Variants in NUP133 observed in about 807,000 individuals in gnomAD.
NUP133 encodes nuclear pore complex protein Nup133.
A neutral mutation model predicts 146.2 loss-of-function variants in NUP133; 66 were observed. That is an observed-to-expected ratio of 0.45 (90% confidence interval 0.37 to 0.55). NUP133 has a LOEUF of 0.55. Among genes scored for constraint, NUP133 ranks in the 20% least tolerant of loss-of-function variants. The pLI is 0.00. For synonymous variants in NUP133, 521 were observed against 498.8 expected (o/e 1.04, Z -0.59); for missense variants, 1,277 against 1,374.8 (o/e 0.93, Z 1.12).
At chr1:229,475,764 T>A in intron 13 of NUP133, 32 bp from the exon 14 acceptor site, 1 of 1,523,012 alleles carries the variant, frequency 6.6e-7, no homozygotes, top group Non-Finnish European at 9.1e-7. Context: ...ACTTAGAACA[T>A]AGTGGTTTTA....
chr1:229,489,646 G>A (rs1349463039), intron 9 of NUP133, among the ~76,000 whole-genome samples: 23 of 152,238 alleles, frequency 1.5e-4, no homozygotes, highest in Admixed American at 1.5e-3. Flanking sequence ...CAAGCTGGGG[G>A]AATCACTTGA....
At position 229,464,705 on chromosome 1, in the gene NUP133, CCA is replaced by C; in HGVS notation, c.2468_2469del (p.Val823GlyfsTer2). 1 of 1,614,186 alleles carries C rather than the reference CCA, an allele frequency of 6.2e-7. No individual in the cohort carries two copies. On this transcript the variant is annotated frameshift_variant, in exon 18 of 26. Coordinates refer to ENST00000261396, the MANE Select transcript of NUP133 (RefSeq NM_018230.3). LOFTEE classifies it high-confidence loss of function. ...TATCTTTCCCGATTACTGGATTTAT[CCA>C]CAGACTTAAGCTGAGAAACATAACC... Reference protein sequence around the residue: ...LDGYVSQLKSVDKSSNRERYD... With the variant: ...LDGYVSQLKSXDKSSNRERYD...
chr1:229,470,718 C>G lies in NUP133; in HGVS notation c.1938G>C (p.Lys646Asn). ...TRLLLCEHAE[K>N]LSAAIVLKNH... ...TCTTGAGAACAATGGCGGCTGACAG[C>G]TTTTCGGCATGCTCACAGAGCAACA... Residue 646 changes from lysine to asparagine, a missense_variant, in exon 15 of 26, where the codon AAG (lysine) becomes AAC (asparagine). Lys to Asn is a moderately conservative substitution (Grantham distance 94, BLOSUM62 0). Around this residue, in one of 3 missense-constraint regions of NUP133, gnomAD observed 952 missense variants for 1,047.0 expected, o/e 0.91. Coordinates refer to ENST00000261396, the MANE Select transcript of NUP133 (RefSeq NM_018230.3). 1 of 1,614,190 alleles carries G rather than the reference C, an allele frequency of 6.2e-7. No homozygotes were observed. The highest frequency in any genetic ancestry group is 8.5e-7 in the Non-Finnish European group (1 of 1,180,042).
intron 8 of NUP133, among the ~76,000 whole-genome samples, chr1:229,493,871 A>C (rs1331573911): frequency 1.3e-5 from 2 of 152,232 alleles, no homozygotes; most frequent in African/African-American, 4.8e-5. Flanking sequence ...GGTGGCTGAC[A>C]CCTGCAATCC....
At chr1:229,476,265 A>T (rs997041385) in intron 13 of NUP133, among the ~76,000 whole-genome samples, 1 of 152,244 alleles carries the variant, frequency 6.6e-6, no homozygotes, top group Non-Finnish European at 1.5e-5. Context: ...AATGCAAAAT[A>T]CGTTTTTAGT....
At chr1:229,465,291 C>G (rs1660787212) in intron 17 of NUP133, 129 bp downstream of exon 17, 7 of 703,008 alleles carry the variant, frequency 1.0e-5, no homozygotes, top group Non-Finnish European at 1.7e-5. Flanking sequence ...TTGACAAGAG[C>G]TGCTCATTTT....
intron 13 of NUP133, among the ~76,000 whole-genome samples, chr1:229,476,329 AAGG>A (rs1253201122): frequency 6.6e-6 from 1 of 152,206 alleles, no homozygotes; most frequent in Non-Finnish European, 1.5e-5. Flanking sequence ...CAGTCAAAGA[AAGG>A]AGATGAGCTC....
At chr1:229,501,039 A>C (rs1002631666) in intron 3 of NUP133, among the ~76,000 whole-genome samples, 176 bp from the exon 4 acceptor site, 4 of 152,222 alleles carry the variant, frequency 2.6e-5, no homozygotes, top group Non-Finnish European at 5.9e-5. Context: ...TTTTAAAACA[A>C]AGTATCTTAA....
At chr1:229,454,665 G>A (rs1452073538) in intron 21 of NUP133, among the ~76,000 whole-genome samples, 2 of 152,156 alleles carry the variant, frequency 1.3e-5, no homozygotes, top group African/African-American at 2.4e-5. Context: ...TTCCCATCGC[G>A]TTAAGAAATA....
intron 24 of NUP133, 47 bp from the exon 25 acceptor site, chr1:229,445,049 G>C (rs757775752): frequency 1.6e-6 from 2 of 1,285,364 alleles, no homozygotes; most frequent in South Asian, 2.5e-5. Flanking sequence ...CACTGATATA[G>C]CTGAATTAAA....
chr1:229,507,506 A>G (rs143001658), intron 1 of NUP133, among the ~76,000 whole-genome samples: 1 of 151,208 alleles, frequency 6.6e-6, no homozygotes, highest in Non-Finnish European at 1.5e-5. Flanking sequence ...AAACTATCAC[A>G]GTACTCTTAG....
Position 229,449,183 on chromosome 1 carries a change from T to A in NUP133, c.3188A>T (p.Asp1063Val), listed in dbSNP as rs760922983. 6.2e-6 allele frequency: 10 copies of A among 1,605,090 alleles called. No homozygotes were observed. The highest frequency in any genetic ancestry group is 8.5e-6 in the Non-Finnish European group (10 of 1,174,428). The change falls in exon 24 of 26, where the codon GAT becomes GTT. Residue 1063 changes from aspartate to valine, a missense_variant. Transcript: ENST00000261396. ...DLLEYIDEEE[D>V]ININDLKLEI... ...CAGTTTTAGATCATTTATATTTATA[T>A]CTTCTTCCTTCACAGCAAAACAAAA...
chr1:229,499,187 A>T, intron 5 of NUP133: 1 of 470,642 alleles, frequency 2.1e-6, no homozygotes, highest in Middle Eastern at 3.2e-4. Flanking sequence ...CGCATGAGCC[A>T]CCATGCTCAG....
At chr1:229,475,307 A>G (rs1023833318) in intron 14 of NUP133, among the ~76,000 whole-genome samples, 4 of 152,146 alleles carry the variant, frequency 2.6e-5, no homozygotes, top group African/African-American at 9.6e-5. Flanking sequence ...AAAAAAGAAA[A>G]GGAATACTTT....
rs545827299 is a variant in NUP133, at chr1:229,478,203, T to C, written c.1593-443A>G. ...TTAAATGTAACCTAAAAACCATTTATAGGTTTTGGCTCAAAGTTACTTTTA... is the reference window on the plus strand; with the variant it reads ...TTAAATGTAACCTAAAAACCATTTACAGGTTTTGGCTCAAAGTTACTTTTA... On this transcript the variant is annotated intron_variant, in intron 12 of 25. Coordinates refer to ENST00000261396, the MANE Select transcript of NUP133 (RefSeq NM_018230.3). 1.8e-4 allele frequency among the ~76,000 whole-genome samples: 27 copies of C among 152,290 alleles called. 1 individual carries two copies. In the South Asian group the frequency reaches 5.2e-3, roughly 29 times the overall value.
intron 15 of NUP133, among the ~76,000 whole-genome samples, chr1:229,467,038 G>C (rs149060957): frequency 5.3e-5 from 8 of 152,262 alleles, no homozygotes; most frequent in African/African-American, 1.9e-4. Context: ...TCTGCTCAGT[G>C]CATCTTTAAA....
At chr1:229,475,526 A>C in intron 14 of NUP133, 112 bp downstream of exon 14, 1 of 698,388 alleles carries the variant, frequency 1.4e-6, no homozygotes, top group Admixed American at 2.6e-5. Flanking sequence ...AATGGAAAAC[A>C]CCAGTCATGC....
chr1:229,482,558 A>G (rs1459211612), intron 12 of NUP133, among the ~76,000 whole-genome samples: 2 of 152,178 alleles, frequency 1.3e-5, no homozygotes, highest in Non-Finnish European at 2.9e-5. Context: ...AATTTGCCAT[A>G]CCTTTTAAGG....
At chr1:229,459,480 T>G (rs1001387015) in intron 20 of NUP133, among the ~76,000 whole-genome samples, 2 of 152,228 alleles carry the variant, frequency 1.3e-5, no homozygotes, top group Admixed American at 1.3e-4. Context: ...TGAGCTGAGT[T>G]CCTTATATGT....
Sources: gnomAD v4.1 joint callset for allele counts (sites outside exome capture counted in the v4.1 genomes callset) on GRCh38, gnomAD v4.1.1 for gene constraint, gnomAD v4.1.1 regional missense constraint, MANE v1.5 for transcripts, NCBI Gene and HGNC (gene_info 2026-07-23, HGNC 2026-07-21) for gene names.